HS6ST2: variants seen among roughly 807,000 people sequenced by gnomAD.
HS6ST2 encodes heparan sulfate 6-O-sulfotransferase 2.
A neutral mutation model predicts 33.0 loss-of-function variants in HS6ST2; 17 were observed. The observed-to-expected ratio is 0.52, with a 90% CI of 0.35 to 0.77. The LOEUF (loss-of-function observed/expected upper bound fraction) is 0.77. Among genes scored for constraint, HS6ST2 ranks in the 30% least tolerant of loss-of-function variants. The pLI is 0.01. For synonymous variants in HS6ST2, 248 were observed against 237.1 expected (o/e 1.05, Z -0.42); for missense variants, 519 against 551.7 (o/e 0.94, Z 0.59).
At chrX:132,766,335 C>T (rs774820357) in intron 2 of HS6ST2, among the ~76,000 whole-genome samples, 2 of 111,997 alleles carry the variant, frequency 1.8e-5, no homozygotes, top group Non-Finnish European at 3.8e-5. Flanking sequence ...GATATCATAT[C>T]TAAGAAAGGC....
At chrX:132,881,134 A>G (rs942984284) in intron 2 of HS6ST2, among the ~76,000 whole-genome samples, 2 of 111,406 alleles carry the variant, frequency 1.8e-5, no homozygotes, top group Admixed American at 9.5e-5. Flanking sequence ...TCCTTTGGGT[A>G]TATACCCAGT....
rs1421142196 is a variant in HS6ST2 at position 132,628,967 on chromosome X, G to A, written c.1194C>T (p.Ser398=). Residue 398 remains serine, a synonymous_variant, in exon 5 of 5, where the codon TCC becomes TCT. Transcript: ENST00000370833. ...CAGTGTAGCAGCTGGGCAGCTCTTC[G>A]GAGGTTGGAGGCCTTCCATCGCAGA... ...LHVCDGRPPT[S]EELPSCYTGD... 16 of 1,208,156 alleles carry A rather than the reference G, an allele frequency of 1.3e-5. No homozygotes were observed. In the East Asian group the frequency reaches 1.5e-4, roughly 11 times the overall value.
At chrX:132,822,481 G>A (rs2148378216) in intron 2 of HS6ST2, among the ~76,000 whole-genome samples, 1 of 111,501 alleles carries the variant, frequency 9.0e-6, no homozygotes, top group South Asian at 3.8e-4. Flanking sequence ...AAGACAAAAG[G>A]ATCCTGGCAG....
rs185539665 is a variant in HS6ST2, at chrX:132,687,756, G to T, written c.981-18557C>A. ...AAACAGAAGACACTAGTCAACATTT[G>T]TTTTTTTTTTGAGACAAAGTCTTGC... On this transcript the variant is annotated intron_variant, in intron 3 of 4. Coordinates refer to ENST00000370833, the MANE Select transcript of HS6ST2 (RefSeq NM_001394073.1). 2.1e-4 allele frequency among the ~76,000 whole-genome samples: 22 copies of T among 102,783 alleles called. 1 individual carries two copies. Among genetic ancestry groups the T allele is most frequent in the African/African-American group, 7.9e-4 (21 of 26,636 alleles). 89.3% of individuals were successfully genotyped at this position (102,783 alleles called of 115,157 possible). A position where few individuals can be genotyped will look rare whatever the true frequency, so the allele number is the denominator to read the frequency against.
chrX:132,692,390 G>A (rs1251457472), intron 3 of HS6ST2, among the ~76,000 whole-genome samples: 1 of 110,911 alleles, frequency 9.0e-6, no homozygotes, highest in Non-Finnish European at 1.9e-5. Flanking sequence ...GCGCCAACCC[G>A]CTCCCTTCTT....
chrX:132,929,015 C>T (rs1273707961), intron 2 of HS6ST2, among the ~76,000 whole-genome samples: 5 of 110,598 alleles, frequency 4.5e-5, no homozygotes, highest in Non-Finnish European at 9.4e-5. Flanking sequence ...CCTACAAAGG[C>T]AGTGGAGGGA....
At chrX:132,724,794 G>A (rs1334083702) in intron 2 of HS6ST2, among the ~76,000 whole-genome samples, 3 of 111,658 alleles carry the variant, frequency 2.7e-5, no homozygotes, top group African/African-American at 6.5e-5. Context: ...CATGGCACTG[G>A]CATAAAAACA....
chrX:132,920,486 T>C (rs781223603), intron 2 of HS6ST2, among the ~76,000 whole-genome samples: 2 of 111,950 alleles, frequency 1.8e-5, no homozygotes, highest in South Asian at 7.5e-4. Context: ...GTACAGGATA[T>C]AGAACAAATT....
rs1028516955 is a variant in HS6ST2, at chrX:132,806,760, A to G, written c.948-98266T>C. 1.4e-4 allele frequency among the ~76,000 whole-genome samples: 15 copies of G among 110,152 alleles called. 2 individuals are homozygous for G. Among genetic ancestry groups the G allele is most frequent in the Non-Finnish European group, 2.9e-4 (15 of 52,226 alleles). On this transcript the variant is annotated intron_variant, in intron 2 of 4. Transcript: ENST00000370833. ...TTTTCAACCTTTTAAAAATATGAAAATCATTGTTAGCTCACAGGCAAGCTG... is the reference window on the plus strand; with the variant it reads ...TTTTCAACCTTTTAAAAATATGAAAGTCATTGTTAGCTCACAGGCAAGCTG...
upstream of HS6ST2, chrX:132,958,774 A>G: frequency 2.4e-6 from 1 of 425,155 alleles, no homozygotes; most frequent in Non-Finnish European, 3.8e-6. Context: ...TTTGGCTCGT[A>G]ATTTCAACCT....
chrX:132,928,707 G>A (rs1018852560), intron 2 of HS6ST2, among the ~76,000 whole-genome samples: 2 of 110,894 alleles, frequency 1.8e-5, no homozygotes, highest in African/African-American at 3.3e-5. Context: ...TCATAGCACC[G>A]AATACCCTAT....
At chrX:132,809,931 T>C (rs756121977) in intron 2 of HS6ST2, among the ~76,000 whole-genome samples, 1 of 112,107 alleles carries the variant, frequency 8.9e-6, no homozygotes, top group East Asian at 2.8e-4. Flanking sequence ...AGTGTTCGTT[T>C]CAGCATCTGC....
chrX:132,882,357 G>A (rs1431358705), intron 2 of HS6ST2, among the ~76,000 whole-genome samples: 8 of 108,889 alleles, frequency 7.3e-5, no homozygotes, highest in East Asian at 2.9e-4. Context: ...TGTAAGTTGG[G>A]TTCCTAGGTA....
intron 2 of HS6ST2, among the ~76,000 whole-genome samples, chrX:132,943,806 T>C (rs1345308592): frequency 1.8e-5 from 2 of 111,413 alleles, no homozygotes; most frequent in Non-Finnish European, 3.8e-5. Flanking sequence ...CAAAATTCAA[T>C]AGCCCTTCAT....
In HS6ST2 at chrX:132,958,232, T is replaced by C. The variant is rs778054904; in HGVS notation, c.371A>G (p.His124Arg). ...CGCACCGAGCACGTGCTTCAGCGAG[T>C]GGCCCAGGGCGGCCAGGCCCCGAGT... is the stretch of plus-strand genomic sequence containing the variant. ...LLTRGLAALGHSLKHVLGAIF... is the reference protein window; with the variant it reads ...LLTRGLAALGRSLKHVLGAIF... Residue 124 changes from histidine (H) to arginine (R), a missense_variant, in exon 1 of 5, where the codon CAC becomes CGC. Coordinates refer to ENST00000370833, the MANE Select transcript of HS6ST2 (RefSeq NM_001394073.1). 3.4e-6 allele frequency: 4 copies of C among 1,173,164 alleles called. No homozygotes were observed. The highest frequency in any genetic ancestry group is 4.5e-6 in the Non-Finnish European group (4 of 882,484).
chrX:132,887,686 A>G (rs898117933), intron 2 of HS6ST2, among the ~76,000 whole-genome samples: 3 of 112,310 alleles, frequency 2.7e-5, no homozygotes, highest in Non-Finnish European at 5.6e-5. Context: ...TTTCCACACA[A>G]AGAGCTGTAT....
At chrX:132,849,140 G>A (rs998976383) in intron 2 of HS6ST2, among the ~76,000 whole-genome samples, 3 of 111,687 alleles carry the variant, frequency 2.7e-5, no homozygotes, top group African/African-American at 9.8e-5. Context: ...TTTTCTCTCT[G>A]TTGTAATTTT....
At chrX:132,865,656 T>A (rs1483461903) in intron 2 of HS6ST2, among the ~76,000 whole-genome samples, 1 of 111,772 alleles carries the variant, frequency 8.9e-6, no homozygotes, top group Non-Finnish European at 1.9e-5. Flanking sequence ...CCTGACTTTT[T>A]AATGATTGCC....
chrX:132,901,915 A>G (rs1267862161), intron 2 of HS6ST2, among the ~76,000 whole-genome samples: 2 of 110,897 alleles, frequency 1.8e-5, no homozygotes, highest in Admixed American at 1.9e-4. Flanking sequence ...TTGCTTTGTA[A>G]CAGAGATCTA....
Sources: gnomAD v4.1 joint callset for allele counts (sites outside exome capture counted in the v4.1 genomes callset) on GRCh38, gnomAD v4.1.1 for gene constraint, MANE v1.5 for transcripts, NCBI Gene and HGNC (gene_info 2026-07-23, HGNC 2026-07-21) for gene names.